GRID1: variants seen among roughly 807,000 people sequenced by gnomAD.
GRID1 encodes glutamate ionotropic receptor delta type subunit 1.
A neutral mutation model predicts 98.0 loss-of-function variants in GRID1; 28 were observed. That is an observed-to-expected ratio of 0.29 (90% CI 0.21 to 0.39). The LOEUF (loss-of-function observed/expected upper bound fraction) is 0.39, where lower values mean the gene tolerates loss of function less well. GRID1 is among the 10% of genes least tolerant of loss of function. The pLI is 1.00. For missense variants in GRID1, 1,111 were observed against 1,340.5 expected, an observed-to-expected ratio of 0.83 and a Z score of 2.67; for synonymous variants, 553 against 538.5, an observed-to-expected ratio of 1.03 and a Z score of -0.37.
intron 3 of GRID1, among the ~76,000 whole-genome samples, chr10:86,177,939 G>A (rs1439046959): frequency 6.6e-6 from 1 of 152,140 alleles, no homozygotes; most frequent in Non-Finnish European, 1.5e-5. Context: ...GAGACAAAGA[G>A]ATCCCAGTCC....
At chr10:85,716,276 T>C (rs1285783543) in intron 12 of GRID1, among the ~76,000 whole-genome samples, 1 of 152,136 alleles carries the variant, frequency 6.6e-6, no homozygotes. Context: ...TGGATGAAGC[T>C]GGAAACCATC....
chr10:86,026,622 T>C (rs557667202), intron 4 of GRID1, among the ~76,000 whole-genome samples: 9 of 152,290 alleles, frequency 5.9e-5, no homozygotes, highest in African/African-American at 2.2e-4. Flanking sequence ...TAATATGTAC[T>C]TAACAAACAC....
rs190231693 is a variant in GRID1, at chr10:85,683,987, T to C, written c.1998-36590A>G. Among the ~76,000 whole-genome samples the C allele has an allele frequency of 1.4e-4, 22 of 152,306 alleles. No homozygotes were observed. The East Asian group carries it at 4.2e-3, about 29-fold the overall frequency. On this transcript the variant is annotated intron_variant, in intron 12 of 15. Coordinates refer to ENST00000327946, the MANE Select transcript of GRID1 (RefSeq NM_017551.3). ...TGACTAGATGCAAATTAATAAAATATGGGCAAAAATTATGTATAAAAATTC... is the reference window on the plus strand; with the variant it reads ...TGACTAGATGCAAATTAATAAAATACGGGCAAAAATTATGTATAAAAATTC...
At chr10:85,991,158 C>G (rs1374329627) in intron 4 of GRID1, among the ~76,000 whole-genome samples, 3 of 152,130 alleles carry the variant, frequency 2.0e-5, no homozygotes, top group Non-Finnish European at 4.4e-5. Context: ...GGTGAGGTCC[C>G]TGGCTTCCTT....
intron 8 of GRID1, among the ~76,000 whole-genome samples, chr10:85,823,551 G>A (rs1055871496): frequency 1.3e-5 from 2 of 151,970 alleles, no homozygotes; most frequent in African/African-American, 4.8e-5. Context: ...AGAGAGAAGA[G>A]AGGGAATTCA....
chr10:86,279,622 T>G lies in GRID1; in HGVS notation c.236-72974A>C, dbSNP rs377371088. Reference sequence around the variant, plus strand: ...ACTTCTTGATTTGATAAAGAACATTTATAAAAACCTACAGCTAACATCATA... The same window carrying G: ...ACTTCTTGATTTGATAAAGAACATTGATAAAAACCTACAGCTAACATCATA... On this transcript the variant is annotated intron_variant, in intron 2 of 15. Transcript: ENST00000327946. 1.4e-4 allele frequency among the ~76,000 whole-genome samples: 22 copies of G among 152,200 alleles called. No homozygotes were observed. The East Asian group carries it at 3.1e-3, about 21-fold the overall frequency.
intron 8 of GRID1, among the ~76,000 whole-genome samples, chr10:85,767,406 T>C (rs1357766200): frequency 2.0e-5 from 3 of 152,250 alleles, no homozygotes; most frequent in African/African-American, 7.2e-5. Context: ...GTTAGCTGAC[T>C]CAAGTTCTTT....
intron 4 of GRID1, among the ~76,000 whole-genome samples, chr10:86,061,996 C>G (rs938961024): frequency 6.6e-6 from 1 of 152,204 alleles, no homozygotes; most frequent in Non-Finnish European, 1.5e-5. Flanking sequence ...TTAGACACCC[C>G]TATGGACATC....
intron 2 of GRID1, among the ~76,000 whole-genome samples, chr10:86,250,973 G>T (rs188443597): frequency 3.4e-4 from 52 of 152,306 alleles, no homozygotes; most frequent in African/African-American, 1.2e-3. Context: ...AGTAGACATA[G>T]GAGACTCCAT....
chr10:85,831,706 T>C (rs1441250023), intron 8 of GRID1, among the ~76,000 whole-genome samples: 2 of 152,066 alleles, frequency 1.3e-5, no homozygotes, highest in African/African-American at 4.8e-5. Flanking sequence ...AATATGCCTC[T>C]AATAAACCCT....
intron 4 of GRID1, among the ~76,000 whole-genome samples, chr10:85,965,021 C>A (rs913605620): frequency 2.6e-5 from 4 of 152,186 alleles, no homozygotes; most frequent in Admixed American, 1.3e-4. Context: ...ATGCAGCCAA[C>A]AAACATATGA....
At chr10:86,338,351 G>A (rs190130910) in intron 2 of GRID1, among the ~76,000 whole-genome samples, 7 of 152,210 alleles carry the variant, frequency 4.6e-5, no homozygotes, top group East Asian at 1.9e-4. Context: ...TGCTAAGCCC[G>A]AATAGTGGAT....
intron 2 of GRID1, among the ~76,000 whole-genome samples, chr10:86,351,781 A>G (rs938783389): frequency 2.0e-5 from 3 of 152,204 alleles, no homozygotes; most frequent in African/African-American, 7.2e-5. Flanking sequence ...ATCCCTCTGC[A>G]CTGGCCAGGT....
At chr10:86,019,664 G>C (rs1336545220) in intron 4 of GRID1, among the ~76,000 whole-genome samples, 1 of 152,266 alleles carries the variant, frequency 6.6e-6, no homozygotes, top group African/African-American at 2.4e-5. Context: ...TTAAGAAGCT[G>C]AGGTTCAGAG....
chr10:86,320,475 G>C (rs79281882), intron 2 of GRID1, among the ~76,000 whole-genome samples: 1 of 152,150 alleles, frequency 6.6e-6, no homozygotes. Flanking sequence ...GAAATATCTG[G>C]AGTAGTCAAA....
chr10:85,609,338 A>G (rs943422726), intron 15 of GRID1, among the ~76,000 whole-genome samples: 1 of 152,198 alleles, frequency 6.6e-6, no homozygotes, highest in Non-Finnish European at 1.5e-5. Flanking sequence ...CTTTGGATAG[A>G]GTAGCCCCTT....
intron 8 of GRID1, among the ~76,000 whole-genome samples, chr10:85,734,319 G>C (rs567161829): frequency 6.6e-6 from 1 of 152,232 alleles, no homozygotes; most frequent in South Asian, 2.1e-4. Flanking sequence ...ATCTTTCTCT[G>C]CTGAGAAAGA....
chr10:85,629,086 G>A (rs2132532637), intron 13 of GRID1, among the ~76,000 whole-genome samples: 1 of 152,242 alleles, frequency 6.6e-6, no homozygotes, highest in African/African-American at 2.4e-5. Flanking sequence ...TTCTGCAAAT[G>A]ATTGCCTGTC....
At chr10:85,669,877 G>C (rs1160620442) in intron 12 of GRID1, among the ~76,000 whole-genome samples, 1 of 152,210 alleles carries the variant, frequency 6.6e-6, no homozygotes, top group Non-Finnish European at 1.5e-5. Context: ...ATGGAGCTTA[G>C]GGAAAGTAGA....
Sources: gnomAD v4.1 joint callset for allele counts (sites outside exome capture counted in the v4.1 genomes callset) on GRCh38, gnomAD v4.1.1 for gene constraint, MANE v1.5 for transcripts, NCBI Gene and HGNC (gene_info 2026-07-23, HGNC 2026-07-21) for gene names.